Variants in MYO1E observed in about 807,000 individuals in gnomAD.
The protein encoded by MYO1E is unconventional myosin-Ie.
A neutral mutation model predicts 151.1 loss-of-function variants in MYO1E; 68 were observed. The observed-to-expected ratio is 0.45, with a 90% CI of 0.37 to 0.55. The LOEUF is 0.55. MYO1E is among the 20% of genes least tolerant of loss of function. MYO1E has a pLI of 0.00. For synonymous variants in MYO1E, 601 were observed against 501.7 expected (o/e 1.20, Z -2.64); for missense variants, 1,363 against 1,389.3 (o/e 0.98, Z 0.30).
rs111906738 is a variant in MYO1E at position 59,157,249 on chromosome 15, G to A, written c.2878+1038C>T. Among the ~76,000 whole-genome samples the A allele has an allele frequency of 5.5e-3, 844 of 152,152 alleles. 5 individuals carry two copies. Among genetic ancestry groups the A allele is most frequent in the African/African-American group, 0.019 (792 of 41,518 alleles). The stretch of plus-strand genomic sequence containing the variant: ...AAAAGAAGAGATAAATATGAAATAT[G>A]AGCATAAATTTTATAACAATTTTGT... On this transcript the variant is annotated intron_variant, in intron 25 of 27. Coordinates refer to ENST00000288235, the MANE Select transcript of MYO1E (RefSeq NM_004998.4).
At chr15:59,281,462 G>A (rs2080352921) in intron 1 of MYO1E, among the ~76,000 whole-genome samples, 1 of 151,824 alleles carries the variant, frequency 6.6e-6, no homozygotes, top group South Asian at 2.1e-4. Flanking sequence ...TTTTAGTAGA[G>A]ACGGGTTTTC....
intron 1 of MYO1E, among the ~76,000 whole-genome samples, chr15:59,357,545 C>G (rs1171592112): frequency 1.3e-5 from 2 of 151,888 alleles, no homozygotes; most frequent in Admixed American, 6.6e-5. Flanking sequence ...TTGTCTCAGC[C>G]TCCCGAGTAG....
At chr15:59,226,246 G>T (rs2079990467) in intron 7 of MYO1E, among the ~76,000 whole-genome samples, 1 of 152,122 alleles carries the variant, frequency 6.6e-6, no homozygotes, top group African/African-American at 2.4e-5. Context: ...CAAACTAAAA[G>T]AATTATTTGG....
At position 59,136,436 on chromosome 15, in the gene MYO1E, T is replaced by G; in HGVS notation, c.*944A>C. ...AGTAAGTTTCCTATAGGGAAAGAGT[T>G]GAGAAGAGTCTGCAGGGACTGACCT... On this transcript the variant is annotated 3_prime_UTR_variant, in exon 28 of 28. Coordinates refer to ENST00000288235, the MANE Select transcript of MYO1E (RefSeq NM_004998.4). The G allele has an allele frequency of 5.0e-6, 1 of 200,616 alleles. No individual in the cohort carries two copies. The highest frequency in any genetic ancestry group is 1.1e-5 in the Non-Finnish European group (1 of 93,608). 12.4% of individuals were successfully genotyped at this position (200,616 alleles called of 1,614,324 possible). A position where few individuals can be genotyped will look rare whatever the true frequency, so the allele number is the denominator to read the frequency against.
intron 1 of MYO1E, among the ~76,000 whole-genome samples, chr15:59,312,939 GC>G (rs1194918074): frequency 2.6e-5 from 4 of 152,162 alleles, no homozygotes; most frequent in Non-Finnish European, 5.9e-5. Context: ...TAATCAGGAA[GC>G]TGAGGCAGGA....
intron 6 of MYO1E, among the ~76,000 whole-genome samples, chr15:59,228,485 T>C (rs1194168974): frequency 6.6e-6 from 1 of 151,236 alleles, no homozygotes; most frequent in Admixed American, 6.6e-5. Context: ...CAAAATAAAA[T>C]GAATCAAAAT....
rs2080281347 is a variant in MYO1E at position 59,270,267 on chromosome 15, C to T, written c.147+2039G>A. Among the ~76,000 whole-genome samples, 3 of 152,006 alleles carry T rather than the reference C, an allele frequency of 2.0e-5. No individual in the cohort carries two copies. In the South Asian group the frequency reaches 6.2e-4, roughly 31 times the overall value. On this transcript the variant is annotated intron_variant, in intron 2 of 27. Transcript: ENST00000288235. The stretch of plus-strand genomic sequence containing the variant: ...AATGTATATACATATTAAAACATCA[C>T]ATTGCCAGGCGCAGTGGCTCATACG...
intron 20 of MYO1E, 83 bp downstream of exon 20, chr15:59,174,043 T>C: frequency 6.7e-7 from 1 of 1,502,066 alleles, no homozygotes; most frequent in Non-Finnish European, 9.3e-7. Flanking sequence ...ATATGCAAAA[T>C]AAAATGGAAC....
At chr15:59,369,734 T>C (rs369883886) in intron 1 of MYO1E, among the ~76,000 whole-genome samples, 8 of 152,140 alleles carry the variant, frequency 5.3e-5, no homozygotes, top group African/African-American at 9.7e-5. Context: ...AGGAGGAAGA[T>C]AGAAGGTGAA....
At chr15:59,281,269 T>C (rs2080351622) in intron 1 of MYO1E, among the ~76,000 whole-genome samples, 1 of 151,778 alleles carries the variant, frequency 6.6e-6, no homozygotes, top group African/African-American at 2.4e-5. Context: ...TCTTTTCTTT[T>C]TCTTTTCTTT....
intron 4 of MYO1E, among the ~76,000 whole-genome samples, chr15:59,246,763 C>T (rs571220883): frequency 6.6e-6 from 1 of 152,276 alleles, no homozygotes; most frequent in South Asian, 2.1e-4. Flanking sequence ...CACTGGATAA[C>T]AAGTCAGGTA....
intron 1 of MYO1E, among the ~76,000 whole-genome samples, chr15:59,353,017 G>A (rs553574557): frequency 4.1e-4 from 62 of 152,254 alleles, no homozygotes; most frequent in African/African-American, 1.4e-3. Context: ...GGGAAAGGAA[G>A]CATTTCTTTT....
intron 13 of MYO1E, among the ~76,000 whole-genome samples, chr15:59,209,817 T>G (rs2079867208): frequency 7.5e-5 from 2 of 26,760 alleles, no homozygotes; most frequent in East Asian, 2.0e-3. Flanking sequence ...TGAATCACCT[T>G]TTTTTTTTTT....
At chr15:59,237,981 CA>C (rs2080077036) in intron 4 of MYO1E, among the ~76,000 whole-genome samples, 1 of 152,118 alleles carries the variant, frequency 6.6e-6, no homozygotes, top group Non-Finnish European at 1.5e-5. Flanking sequence ...TCATGACCTG[CA>C]AAAGTCTGAA....
At chr15:59,185,911 G>A (rs963764720) in intron 18 of MYO1E, among the ~76,000 whole-genome samples, 3 of 152,126 alleles carry the variant, frequency 2.0e-5, no homozygotes, top group Admixed American at 6.5e-5. Context: ...GACAGACTTC[G>A]CAGCAAAGAA....
intron 26 of MYO1E, among the ~76,000 whole-genome samples, chr15:59,146,311 TTTTTGTTTTG>T (rs557340074): frequency 2.0e-5 from 3 of 152,092 alleles, no homozygotes; most frequent in Non-Finnish European, 4.4e-5. Flanking sequence ...TAATGGTTGT[TTTTTGTTTTG>T]TTTTGTTTTG....
At chr15:59,188,685 G>C (rs2079714343) in intron 17 of MYO1E, among the ~76,000 whole-genome samples, 1 of 152,098 alleles carries the variant, frequency 6.6e-6, no homozygotes. Flanking sequence ...GACAGAGTGA[G>C]ACTCCGTCTC....
chr15:59,154,158 G>C (rs1269304638), intron 25 of MYO1E, among the ~76,000 whole-genome samples: 1 of 152,210 alleles, frequency 6.6e-6, no homozygotes, highest in African/African-American at 2.4e-5. Flanking sequence ...AGTAAGGTAA[G>C]CTTACAGCCG....
intron 14 of MYO1E, chr15:59,207,102 G>C: frequency 6.2e-7 from 1 of 1,614,252 alleles, no homozygotes; most frequent in Non-Finnish European, 8.5e-7. Flanking sequence ...CGACTGTGAA[G>C]AGTGAGCTTA....
Sources: allele counts gnomAD v4.1 joint callset (sites outside exome capture counted in the v4.1 genomes callset), GRCh38; gene constraint gnomAD v4.1.1; transcripts MANE v1.5; gene names NCBI Gene and HGNC (gene_info 2026-07-23, HGNC 2026-07-21).